SUCLG2: variants seen among roughly 807,000 people sequenced by gnomAD.
SUCLG2 encodes the protein succinate-CoA ligase GDP-forming subunit beta, also known as succinate--CoA ligase [GDP-forming] subunit beta, mitochondrial.
In SUCLG2, 42 loss-of-function variants were observed where a neutral mutation model predicts 47.9. The observed-to-expected ratio is 0.88, with a 90% CI of 0.69 to 1.14. The LOEUF is 1.14. SUCLG2 is among the 50% of genes most tolerant of loss of function. SUCLG2 has a pLI of 0.00. For synonymous variants in SUCLG2, 195 were observed against 197.3 expected, an observed-to-expected ratio of 0.99 and a Z score of 0.10; for missense variants, 571 against 525.9, an observed-to-expected ratio of 1.09 and a Z score of -0.84.
chr3:67,499,754 C>CAA (rs1003394953), intron 7 of SUCLG2, among the ~76,000 whole-genome samples: 1 of 150,592 alleles, frequency 6.6e-6, no homozygotes, highest in African/African-American at 2.5e-5. Context: ...ATTTCGGAGA[C>CAA]AGAGTCTCAC....
intron 1 of SUCLG2, among the ~76,000 whole-genome samples, chr3:67,650,359 G>C (rs1701265016): frequency 6.6e-6 from 1 of 152,228 alleles, no homozygotes; most frequent in East Asian, 1.9e-4. Context: ...GTATACAACA[G>C]CAGGGGCATG....
chr3:67,381,590 T>C (rs955428936), intron 10 of SUCLG2, among the ~76,000 whole-genome samples: 2 of 152,240 alleles, frequency 1.3e-5, no homozygotes, highest in Admixed American at 6.5e-5. Context: ...TGCTTTTTAA[T>C]GAGCCTTCAG....
At chr3:67,535,148 A>G (rs1288299401) in intron 2 of SUCLG2, among the ~76,000 whole-genome samples, 1 of 152,178 alleles carries the variant, frequency 6.6e-6, no homozygotes, top group Non-Finnish European at 1.5e-5. Context: ...AAGGAAGTTA[A>G]GGAAAACTAG....
At chr3:67,482,153 C>T (rs1470364180) in intron 9 of SUCLG2, among the ~76,000 whole-genome samples, 1 of 151,846 alleles carries the variant, frequency 6.6e-6, no homozygotes, top group Non-Finnish European at 1.5e-5. Flanking sequence ...GCACTCCAGC[C>T]TGAGTGACAG....
intron 2 of SUCLG2, among the ~76,000 whole-genome samples, chr3:67,547,383 A>G (rs1345238861): frequency 6.6e-6 from 1 of 152,208 alleles, no homozygotes; most frequent in African/African-American, 2.4e-5. Flanking sequence ...CTGAACACAT[A>G]GTGTTTTACT....
intron 2 of SUCLG2, among the ~76,000 whole-genome samples, chr3:67,554,022 C>T (rs1459915334): frequency 6.6e-6 from 1 of 152,082 alleles, no homozygotes; most frequent in African/African-American, 2.4e-5. Context: ...TAACTAAATA[C>T]TTTTGAATCC....
At chr3:67,515,577 G>C (rs1705922792) in intron 6 of SUCLG2, among the ~76,000 whole-genome samples, 1 of 152,030 alleles carries the variant, frequency 6.6e-6, no homozygotes, top group Non-Finnish European at 1.5e-5. Flanking sequence ...TCAACCATGA[G>C]TGAGGTACCT....
downstream of SUCLG2, among the ~76,000 whole-genome samples, chr3:67,374,458 C>G (rs1701995315): frequency 6.6e-6 from 1 of 152,164 alleles, no homozygotes; most frequent in South Asian, 2.1e-4. Context: ...TTGCGTTACG[C>G]AGACTGACAT....
chr3:67,645,464 A>G (rs1348787118), intron 1 of SUCLG2, among the ~76,000 whole-genome samples: 4 of 152,166 alleles, frequency 2.6e-5, no homozygotes, highest in Non-Finnish European at 5.9e-5. Flanking sequence ...CTTCTGCATC[A>G]TTTTAAAATT....
At chr3:67,550,634 G>T (rs1415568249) in intron 2 of SUCLG2, among the ~76,000 whole-genome samples, 1 of 152,128 alleles carries the variant, frequency 6.6e-6, no homozygotes, top group Admixed American at 6.5e-5. Context: ...CAGCCAAACC[G>T]TCTCCTTTCT....
At chr3:67,397,172 G>A (rs1702551105) in intron 10 of SUCLG2, among the ~76,000 whole-genome samples, 2 of 151,938 alleles carry the variant, frequency 1.3e-5, no homozygotes, top group Admixed American at 6.6e-5. Context: ...GTTCTGGCCA[G>A]GGCAATTAGG....
chr3:67,535,847 T>A (rs540698348), intron 2 of SUCLG2, among the ~76,000 whole-genome samples: 1 of 152,298 alleles, frequency 6.6e-6, no homozygotes, highest in East Asian at 1.9e-4. Flanking sequence ...TGCAAACTCC[T>A]CTTTTAGTCA....
chr3:67,365,837 C>T (rs543476107), intron 10 of SUCLG2, among the ~76,000 whole-genome samples: 45 of 152,192 alleles, frequency 3.0e-4, no homozygotes, highest in African/African-American at 1.0e-3. Flanking sequence ...AAATTGAAAA[C>T]AAAACTATAA....
chr3:67,632,990 T>G (rs929352380), intron 1 of SUCLG2, among the ~76,000 whole-genome samples: 1 of 152,208 alleles, frequency 6.6e-6, no homozygotes, highest in Non-Finnish European at 1.5e-5. Flanking sequence ...CAGATTTAGC[T>G]AACATGTACA....
intron 9 of SUCLG2, among the ~76,000 whole-genome samples, chr3:67,476,748 A>G (rs138412422): frequency 0.015 from 2,341 of 152,262 alleles, 61 homozygotes; most frequent in African/African-American, 0.053. Flanking sequence ...TCTCCTAACA[A>G]TGTAGCTACC....
At chr3:67,366,544 T>C (rs1701877708) in intron 10 of SUCLG2, among the ~76,000 whole-genome samples, 1 of 152,130 alleles carries the variant, frequency 6.6e-6, no homozygotes, top group African/African-American at 2.4e-5. Context: ...AAACACGTGT[T>C]TGAATTCAAC....
At chr3:67,533,939 C>T (rs11919650) in intron 2 of SUCLG2, among the ~76,000 whole-genome samples, 12,116 of 151,658 alleles carry the variant, frequency 0.08, 608 homozygotes, top group East Asian at 0.19. Flanking sequence ...GTTTCAAACA[C>T]ACAGCACATT....
chr3:67,425,056 C>T (rs1231681877), intron 9 of SUCLG2, among the ~76,000 whole-genome samples: 1 of 149,550 alleles, frequency 6.7e-6, no homozygotes, highest in Non-Finnish European at 1.5e-5. Flanking sequence ...GCCAGAGAAT[C>T]ATTTTGCATT....
At chr3:67,408,694 C>T in intron 9 of SUCLG2, 1 of 1,188,694 alleles carries the variant, frequency 8.4e-7, no homozygotes. Context: ...CTATAATTTA[C>T]TCCTTGGTAG....
Sources: gnomAD v4.1 joint callset for allele counts (sites outside exome capture counted in the v4.1 genomes callset) on GRCh38, gnomAD v4.1.1 for gene constraint, MANE v1.5 for transcripts, NCBI Gene and HGNC (gene_info 2026-07-23, HGNC 2026-07-21) for gene names.